The following RGL1 variants were observed in gnomAD, a reference collection of about 807,000 sequenced individuals.
RGL1 encodes the protein ral guanine nucleotide dissociation stimulator like 1, also known as ral guanine nucleotide dissociation stimulator-like 1.
RGL1 carries 24 observed loss-of-function variants against 95.2 expected under a neutral mutation model. That is an observed-to-expected ratio of 0.25 (90% CI 0.18 to 0.35). The LOEUF (loss-of-function observed/expected upper bound fraction) is 0.35. Ranked by LOEUF, RGL1 falls within the 10% of genes least tolerant of loss-of-function variation. The pLI is 1.00. For missense variants in RGL1, 715 were observed against 936.3 expected (o/e 0.76, Z 3.08); for synonymous variants, 329 against 344.9 (o/e 0.95, Z 0.51).
rs1668693536 is a variant in RGL1, at chr1:183,912,273, A to G, written c.1749+5A>G. The G allele has an allele frequency of 1.2e-6, 2 of 1,611,660 alleles. No individual in the cohort carries two copies. Among genetic ancestry groups the G allele is most frequent in the South Asian group, 1.1e-5 (1 of 90,918 alleles). Reference sequence around the variant, plus strand: ...CCTGATGAGCCTCAAAAAAAGGTATATACTCAACCCTTCTCATAATTCCTA... The same window carrying G: ...CCTGATGAGCCTCAAAAAAAGGTATGTACTCAACCCTTCTCATAATTCCTA... On this transcript the variant is annotated splice_donor_5th_base_variant and intron_variant, in intron 15 of 17. Transcript: ENST00000360851.
intron 2 of RGL1, among the ~76,000 whole-genome samples, chr1:183,815,925 C>A (rs946884601): frequency 1.3e-5 from 2 of 152,072 alleles, no homozygotes; most frequent in African/African-American, 4.8e-5. Context: ...TACATGGACC[C>A]CCTGAAGCTT....
chr1:183,909,750 A>G (rs1179995042), intron 14 of RGL1, among the ~76,000 whole-genome samples: 1 of 152,206 alleles, frequency 6.6e-6, no homozygotes, highest in Non-Finnish European at 1.5e-5. Context: ...GTTATTTTAT[A>G]GTCAGTACTT....
chr1:183,778,172 C>T (rs1320315637), intron 2 of RGL1, among the ~76,000 whole-genome samples: 1 of 152,164 alleles, frequency 6.6e-6, no homozygotes, highest in Admixed American at 6.5e-5. Context: ...ATTTTGTTCT[C>T]ACAGGAAGAT....
chr1:183,793,840 T>G (rs1408176299), intron 2 of RGL1, among the ~76,000 whole-genome samples: 3 of 152,028 alleles, frequency 2.0e-5, no homozygotes. Flanking sequence ...AGCATGGAGT[T>G]TGTAAAAAAA....
In RGL1 at chr1:183,910,299, C is replaced by T. The variant is rs142868618; in HGVS notation, c.1563-1783C>T. Among the ~76,000 whole-genome samples the T allele has an allele frequency of 2.5e-4, 38 of 152,228 alleles. 1 individual carries two copies. The highest frequency in any genetic ancestry group is 4.0e-4 in the Non-Finnish European group (27 of 67,992). On this transcript the variant is annotated intron_variant, in intron 14 of 17. Coordinates refer to ENST00000360851, the MANE Select transcript of RGL1 (RefSeq NM_001297671.3). Reference sequence around the variant, plus strand: ...TTTTGGTAGAGATGGGGCTTCACCACGTTGCCTGGAGTGGTCTTGAACTCC... The same window carrying T: ...TTTTGGTAGAGATGGGGCTTCACCATGTTGCCTGGAGTGGTCTTGAACTCC...
chr1:183,835,970 C>T (rs1399731128), intron 2 of RGL1, among the ~76,000 whole-genome samples: 2 of 152,160 alleles, frequency 1.3e-5, no homozygotes, highest in African/African-American at 4.8e-5. Flanking sequence ...GATTGAAAGA[C>T]AGGGCTGGTT....
At chr1:183,800,252 T>G (rs1660917738), upstream of RGL1, among the ~76,000 whole-genome samples, 1 of 152,208 alleles carries the variant, frequency 6.6e-6, no homozygotes, top group Admixed American at 6.5e-5. Context: ...TAGAGACCAA[T>G]GAATACATAA....
chr1:183,700,945 G>A lies in RGL1; in HGVS notation c.-32-41181G>A, dbSNP rs1000564486. 5.9e-5 allele frequency among the ~76,000 whole-genome samples: 9 copies of A among 152,076 alleles called. 1 individual carries two copies. In the South Asian group the frequency reaches 1.5e-3, roughly 25 times the overall value. On this transcript the variant is annotated intron_variant, in intron 1 of 18. Coordinates refer to the RGL1 transcript ENST00000304685. ...GACAGGCCCCGGTGTGTGATGTTCC[G>A]CTCCCTGTGTCCATGTGTTTTCATT...
intron 2 of RGL1, among the ~76,000 whole-genome samples, chr1:183,825,845 C>G (rs758322850): frequency 1.2e-4 from 19 of 152,048 alleles, no homozygotes; most frequent in Non-Finnish European, 1.2e-4. Context: ...CTTGGTAAGG[C>G]CTTGTCTAAT....
At chr1:183,853,923 C>T (rs1487094601) in intron 3 of RGL1, among the ~76,000 whole-genome samples, 2 of 152,190 alleles carry the variant, frequency 1.3e-5, no homozygotes, top group African/African-American at 4.8e-5. Context: ...GGGCTCCTCC[C>T]TTCACACAGT....
At chr1:183,762,769 G>A (rs1045418108) in intron 2 of RGL1, among the ~76,000 whole-genome samples, 11 of 152,294 alleles carry the variant, frequency 7.2e-5, no homozygotes, top group African/African-American at 2.6e-4. Context: ...TGGAGAAATA[G>A]GAATGCTTTT....
intron 1 of RGL1, among the ~76,000 whole-genome samples, chr1:183,673,534 A>G (rs1363963084): frequency 6.6e-6 from 1 of 152,166 alleles, no homozygotes; most frequent in East Asian, 1.9e-4. Context: ...TTGATTACCA[A>G]TATTAACAAA....
At chr1:183,669,528 T>C (rs1479960041) in intron 1 of RGL1, among the ~76,000 whole-genome samples, 1 of 152,208 alleles carries the variant, frequency 6.6e-6, no homozygotes, top group Non-Finnish European at 1.5e-5. Context: ...TTGTTCAGTC[T>C]CTTCAGATCT....
chr1:183,717,435 T>C (rs1655690267), intron 1 of RGL1, among the ~76,000 whole-genome samples: 1 of 152,228 alleles, frequency 6.6e-6, no homozygotes, highest in Non-Finnish European at 1.5e-5. Flanking sequence ...TTATGTTTAG[T>C]AATAATTTAT....
chr1:183,750,198 A>G (rs1458534930), intron 2 of RGL1, among the ~76,000 whole-genome samples: 1 of 152,222 alleles, frequency 6.6e-6, no homozygotes, highest in East Asian at 1.9e-4. Context: ...AGGTACACCA[A>G]TCAAACGTAG....
chr1:183,835,117 CA>C (rs1377227005), intron 2 of RGL1, among the ~76,000 whole-genome samples: 2 of 152,128 alleles, frequency 1.3e-5, no homozygotes, highest in African/African-American at 4.8e-5. Context: ...AAATTTTGAT[CA>C]TTAATATCTA....
intron 4 of RGL1, among the ~76,000 whole-genome samples, chr1:183,874,639 C>T (rs1404625236): frequency 2.6e-5 from 4 of 152,046 alleles, no homozygotes; most frequent in African/African-American, 7.2e-5. Context: ...TTTCACGTCT[C>T]CTCCTAGTAT....
chr1:183,687,218 T>G (rs186510800), intron 1 of RGL1, among the ~76,000 whole-genome samples: 45 of 152,358 alleles, frequency 3.0e-4, no homozygotes, highest in African/African-American at 1.1e-3. Flanking sequence ...TTGTCTGTCT[T>G]ACTTTCCTTC....
At chr1:183,897,590 C>T (rs1425436531) in intron 9 of RGL1, among the ~76,000 whole-genome samples, 1 of 151,744 alleles carries the variant, frequency 6.6e-6, no homozygotes, top group Non-Finnish European at 1.5e-5. Flanking sequence ...CAAGAAAATC[C>T]AAGTCCACCA....
Sources: allele counts gnomAD v4.1 joint callset (sites outside exome capture counted in the v4.1 genomes callset), GRCh38; gene constraint gnomAD v4.1.1; transcripts MANE v1.5; gene names NCBI Gene and HGNC (gene_info 2026-07-23, HGNC 2026-07-21).